Variants in GPR137 observed in about 807,000 individuals in gnomAD.
GPR137 encodes the protein G protein-coupled receptor 137.
In GPR137, 20 loss-of-function variants were observed where a neutral mutation model predicts 38.9. The ratio of observed to expected loss-of-function variants is 0.51; its 90% CI spans 0.36 to 0.75. The LOEUF (loss-of-function observed/expected upper bound fraction) is 0.75, where lower values mean the gene tolerates loss of function less well. GPR137 is among the 30% of genes least tolerant of loss of function. The pLI is 0.00. For synonymous variants in GPR137, 226 were observed against 235.8 expected, an observed-to-expected ratio of 0.96 and a Z score of 0.38; for missense variants, 456 against 526.4, an observed-to-expected ratio of 0.87 and a Z score of 1.31.
Position 64,288,293 on chromosome 11 carries a change from C to A in GPR137, c.784-47C>A. The A allele has an allele frequency of 1.2e-6, 2 of 1,612,448 alleles. No homozygotes were observed. Among genetic ancestry groups the A allele is most frequent in the Non-Finnish European group, 1.7e-6 (2 of 1,179,516 alleles). On this transcript the variant is annotated intron_variant, in intron 4 of 6. Transcript: ENST00000438980. The surrounding 1 kb of genome is among the most constrained non-coding windows in gnomAD (Gnocchi z 5.5). ...GCTGGCCTGGGCCCTGTCCCACTAC[C>A]CCTTTGGCGTGACTGCAGACTGGCA...
upstream of GPR137, chr11:64,284,449 A>G: frequency 6.2e-7 from 1 of 1,600,756 alleles, no homozygotes; most frequent in East Asian, 2.2e-5. Flanking sequence ...AGAGGCAGGT[A>G]CCCCTGGCTT....
At chr11:64,274,511 A>G (rs372064196), upstream of GPR137, among the ~76,000 whole-genome samples, 475 of 152,152 alleles carry the variant, frequency 3.1e-3, 26 homozygotes, top group South Asian at 0.095. Context: ...AACATGGCAA[A>G]AACCCATCTC....
At chr11:64,276,756 A>C in intron 2 of GPR137, 1 of 587,032 alleles carries the variant, frequency 1.7e-6, no homozygotes, top group African/African-American at 1.9e-5. Context: ...GGGGAAGGGA[A>C]GGGGTGTGGC....
upstream of GPR137, among the ~76,000 whole-genome samples, chr11:64,281,086 G>T (rs1015409649): frequency 2.0e-5 from 3 of 152,124 alleles, no homozygotes; most frequent in African/African-American, 4.8e-5. Context: ...TCCTGCCTCA[G>T]CCTCCAGAGT....
chr11:64,285,511 C>A (rs372518055), upstream of GPR137: 2 of 985,106 alleles, frequency 2.0e-6, no homozygotes, highest in Non-Finnish European at 2.4e-6. Context: ...CTTCAGAGAC[C>A]GAGGGACGGG....
upstream of GPR137, among the ~76,000 whole-genome samples, chr11:64,270,897 TGA>T (rs763796520): frequency 8.6e-3 from 786 of 91,844 alleles, 58 homozygotes; most frequent in South Asian, 0.028. Context: ...GCATGCCCTG[TGA>T]GACACACACA....
Position 64,288,358 on chromosome 11 carries a change from C to T in GPR137, c.802C>T (p.Leu268=). ...VSDQADLVND[L]GNKGYLVFGL... The stretch of plus-strand genomic sequence containing the variant: ...CCCACAGGCGGACCTGGTGAATGAC[C>T]TGGGGAACAAAGGCTACCTGGTATT... Residue 268 remains leucine, a synonymous_variant, in exon 5 of 7, where the codon CTG becomes TTG. Transcript: ENST00000438980. The surrounding 1 kb of genome is among the most constrained non-coding windows in gnomAD (Gnocchi z 5.5). The T allele has an allele frequency of 1.2e-6, 2 of 1,613,940 alleles. No homozygotes were observed. The highest frequency in any genetic ancestry group is 2.2e-5 in the South Asian group (2 of 91,082).
chr11:64,287,813 A>G lies in GPR137; in HGVS notation c.500A>G (p.Gln167Arg), dbSNP rs763364676. 1.2e-6 allele frequency: 2 copies of G among 1,607,138 alleles called. No homozygotes were observed. The highest frequency in any genetic ancestry group is 2.2e-5 in the East Asian group (1 of 44,876). ...GTGCTCTCCCATCGGCGCCGGGCAC[A>G]GCCCTGGGCCCTGCTGCTTGTCCGC... ...CAVLSHRRRA[Q>R]PWALLLVRVL... The change falls in exon 3 of 7, where the codon CAG (glutamine) becomes CGG (arginine). Residue 167 changes from glutamine to arginine, a missense_variant. Coordinates refer to ENST00000438980, the MANE Select transcript of GPR137 (RefSeq NM_001170880.2).
At chr11:64,284,446 G>C, upstream of GPR137, 1 of 1,602,680 alleles carries the variant, frequency 6.2e-7, no homozygotes, top group Non-Finnish European at 8.5e-7. Context: ...GGCAGAGGCA[G>C]GTACCCCTGG....
upstream of GPR137, among the ~76,000 whole-genome samples, chr11:64,273,664 GAGGTC>G (rs1204760641): frequency 6.6e-6 from 1 of 151,716 alleles, no homozygotes; most frequent in Non-Finnish European, 1.5e-5. Context: ...GGGAGATCAC[GAGGTC>G]AGGAGTTTAA....
In GPR137 at chr11:64,288,948, G is replaced by T; in HGVS notation, c.1032-89G>T. The T allele has an allele frequency of 6.9e-7, 1 of 1,452,000 alleles. No individual in the cohort carries two copies. Among genetic ancestry groups the T allele is most frequent in the Non-Finnish European group, 9.0e-7 (1 of 1,106,386 alleles). The allele number at this position is 1,452,000 out of a possible 1,614,324, so 89.9% of individuals were successfully genotyped here. On this transcript the variant is annotated intron_variant, in intron 6 of 6. Transcript: ENST00000438980. The surrounding 1 kb of genome is among the most constrained non-coding windows in gnomAD (Gnocchi z 5.5). ...GGCCCCGAAGGTCTAGGTCACAGGG[G>T]TTCTGTTCTAAGCCTGTCTTCCTCC... is the stretch of plus-strand genomic sequence containing the variant.
upstream of GPR137, chr11:64,271,734 A>T: frequency 6.9e-7 from 1 of 1,442,194 alleles, no homozygotes. Flanking sequence ...CTCCTCCCCC[A>T]TCCCTTCGTC....
upstream of GPR137, chr11:64,284,600 C>G: frequency 6.7e-7 from 1 of 1,500,562 alleles, no homozygotes. Flanking sequence ...CAGGCCCCGC[C>G]CCGCCCGTGG....
intron 1 of GPR137, 33 bp downstream of exon 1, chr11:64,286,914 A>T (rs1009414444): frequency 2.6e-6 from 4 of 1,522,602 alleles, no homozygotes; most frequent in Non-Finnish European, 3.6e-6. Context: ...GGGGGGCGGG[A>T]GGTGGCAAGC....
chr11:64,286,483 C>T lies in GPR137; in HGVS notation c.-42C>T, dbSNP rs767378030. 31 of 1,573,782 alleles carry T rather than the reference C, an allele frequency of 2.0e-5. No homozygotes were observed. The African/African-American group carries it at 3.9e-4, about 20-fold the overall frequency. The stretch of plus-strand genomic sequence containing the variant: ...TTATTTCCCTGGTCCCGCCGACAGT[C>T]CCTCCTTGTCTGTCTCCGGGATTCA... On this transcript the variant is annotated 5_prime_UTR_variant, in exon 1 of 7. Transcript: ENST00000438980.
chr11:64,285,430 G>A (rs1460372888), upstream of GPR137: 9 of 983,922 alleles, frequency 9.1e-6, no homozygotes, highest in African/African-American at 3.5e-5. Flanking sequence ...CCGCGCGGGG[G>A]ATTCGGGGCT....
chr11:64,271,302 A>T (rs1405943576), upstream of GPR137, among the ~76,000 whole-genome samples: 2 of 24,684 alleles, frequency 8.1e-5, no homozygotes, highest in Non-Finnish European at 8.9e-5. Flanking sequence ...ACTCTCACAC[A>T]CACACACACA....
chr11:64,288,613 A>G lies in GPR137; in HGVS notation c.923A>G (p.His308Arg). 6.2e-7 allele frequency: 1 copy of G among 1,613,428 alleles called. No homozygotes were observed. Among genetic ancestry groups the G allele is most frequent in the East Asian group, 2.2e-5 (1 of 44,870 alleles). ...HRPPQDLSTS[H>R]ILNGQVFASR... ...GGCTTCCTCCCCCAGAGCACCAGCC[A>G]CATCCTCAATGGGCAGGTCTTTGCC... The change falls in exon 6 of 7, where the codon CAC becomes CGC. Residue 308 changes from histidine (H) to arginine (R), a missense_variant. Transcript: ENST00000438980. The surrounding 1 kb of genome is among the most constrained non-coding windows in gnomAD (Gnocchi z 5.5).
upstream of GPR137, among the ~76,000 whole-genome samples, chr11:64,281,256 G>A (rs2033452228): frequency 6.6e-6 from 1 of 152,144 alleles, no homozygotes; most frequent in African/African-American, 2.4e-5. Context: ...GTGAGCCACC[G>A]CGCCCAGCCT....
Sources: allele counts gnomAD v4.1 joint callset (sites outside exome capture counted in the v4.1 genomes callset), GRCh38; gene constraint gnomAD v4.1.1; non-coding constraint Gnocchi (gnomAD v3.1); transcripts MANE v1.5; gene names NCBI Gene and HGNC (gene_info 2026-07-23, HGNC 2026-07-21).